Variants in CDK6 observed in about 807,000 individuals in gnomAD.
CDK6 encodes the protein cyclin-dependent kinase 6.
Under a neutral mutation model 37.1 loss-of-function variants are expected in CDK6, and 6 were observed. The ratio of observed to expected loss-of-function variants is 0.16; its 90% CI spans 0.09 to 0.32. The LOEUF is 0.32. Ranked by LOEUF, CDK6 falls within the 10% of genes least tolerant of loss-of-function variation. The pLI is 1.00. For synonymous variants in CDK6, 160 were observed against 161.3 expected (o/e 0.99, Z 0.06); for missense variants, 224 against 418.9 (o/e 0.53, Z 4.06).
intron 2 of CDK6, among the ~76,000 whole-genome samples, chr7:92,802,966 A>T (rs1450445016): frequency 1.3e-5 from 2 of 152,272 alleles, no homozygotes; most frequent in East Asian, 3.9e-4. Context: ...TTCAGTTGAG[A>T]ACTACTACTA....
rs1795609283 is a variant in CDK6 at position 92,613,643 on chromosome 7, T to A, written c.*1497A>T. On this transcript the variant is annotated 3_prime_UTR_variant, in exon 8 of 8. Transcript: ENST00000424848. ...CACAGCCTGGGGGATGGAGAAAAGA[T>A]CATTTGATAGAGTAAATGTATGGCC... 2 of 233,134 alleles carry A rather than the reference T, an allele frequency of 8.6e-6. No individual in the cohort carries two copies. The highest frequency in any genetic ancestry group is 1.7e-5 in the Non-Finnish European group (2 of 118,030). 14.4% of individuals were successfully genotyped at this position (233,134 alleles called of 1,614,324 possible).
At chr7:92,829,415 C>T (rs1801419538) in intron 2 of CDK6, among the ~76,000 whole-genome samples, 1 of 152,128 alleles carries the variant, frequency 6.6e-6, no homozygotes, top group Non-Finnish European at 1.5e-5. Flanking sequence ...AGAAACAATA[C>T]AGGTAAGCAC....
chr7:92,803,652 G>A (rs1190761645), intron 2 of CDK6, among the ~76,000 whole-genome samples: 3 of 152,184 alleles, frequency 2.0e-5, no homozygotes, highest in Non-Finnish European at 4.4e-5. Context: ...GGTTTGAGAT[G>A]GTAGACATTC....
chr7:92,755,739 G>A (rs934013978), intron 3 of CDK6, among the ~76,000 whole-genome samples: 1 of 152,140 alleles, frequency 6.6e-6, no homozygotes, highest in African/African-American at 2.4e-5. Flanking sequence ...GGTATAAGTT[G>A]GGGTGCGGAT....
At chr7:92,775,869 G>A (rs1799836923) in intron 2 of CDK6, among the ~76,000 whole-genome samples, 1 of 152,124 alleles carries the variant, frequency 6.6e-6, no homozygotes, top group South Asian at 2.1e-4. Context: ...AATAACTGAT[G>A]CACAGGGTTG....
At chr7:92,667,225 A>G (rs1308781045) in intron 5 of CDK6, among the ~76,000 whole-genome samples, 1 of 152,184 alleles carries the variant, frequency 6.6e-6, no homozygotes, top group Non-Finnish European at 1.5e-5. Flanking sequence ...TATTTTTTTT[A>G]GACACAAGGT....
chr7:92,742,074 T>TACA (rs1382851440), intron 3 of CDK6, among the ~76,000 whole-genome samples: 3 of 152,172 alleles, frequency 2.0e-5, no homozygotes, highest in Non-Finnish European at 2.9e-5. Context: ...CAAACAATGA[T>TACA]ACAAATAAGT....
In CDK6 at chr7:92,833,258, G is replaced by A. The variant is rs189208543; in HGVS notation, c.66C>T (p.Gly22=). 7.8e-5 allele frequency: 125 copies of A among 1,610,282 alleles called. No individual in the cohort carries two copies. The Middle Eastern group carries it at 1.5e-3, about 19-fold the overall frequency. ...QYECVAEIGE[G]AYGKVFKARD... is the part of the protein sequence containing the mutation. ...GGGCCTTGAACACCTTCCCATAGGCGCCCTCCCCGATCTCCGCCACGCATT... is the reference window on the plus strand; with the variant it reads ...GGGCCTTGAACACCTTCCCATAGGCACCCTCCCCGATCTCCGCCACGCATT... The change falls in exon 2 of 8, where the codon GGC becomes GGT. Residue 22 remains glycine, a synonymous_variant. Coordinates refer to ENST00000424848, the MANE Select transcript of CDK6 (RefSeq NM_001145306.2). This position sits in a 1 kb window ranked among gnomAD's most constrained non-coding sequence, Gnocchi z 6.1.
In CDK6 at chr7:92,835,112, C is replaced by T. The variant is rs1304384967; in HGVS notation, c.-368+1366G>A. 2.0e-5 allele frequency: 3 copies of T among 152,224 alleles called. No individual in the cohort carries two copies. The highest frequency in any genetic ancestry group is 2.1e-4 in the South Asian group (1 of 4,836). 9.4% of individuals were successfully genotyped at this position (152,224 alleles called of 1,614,324 possible). A position where few individuals can be genotyped will look rare whatever the true frequency, so the allele number is the denominator to read the frequency against. On this transcript the variant is annotated intron_variant, in intron 1 of 7. Transcript: ENST00000424848. The surrounding 1 kb of genome is among the most constrained non-coding windows in gnomAD (Gnocchi z 4.2). Reference sequence around the variant, plus strand: ...CCCACGATGAGCGGGTGGAGCGGACCGCGGCGAGAGCAGAGCTTCTGGCAC... The same window carrying T: ...CCCACGATGAGCGGGTGGAGCGGACTGCGGCGAGAGCAGAGCTTCTGGCAC...
chr7:92,609,556 G>T lies in CDK6; in HGVS notation c.*5584C>A. ...CAGCAATTTTTCAGACAAAAGTTTT[G>T]TCTACTGAATTACTGATGTGCTACT... On this transcript the variant is annotated 3_prime_UTR_variant, in exon 8 of 8. Coordinates refer to ENST00000424848, the MANE Select transcript of CDK6 (RefSeq NM_001145306.2). 4.4e-6 allele frequency: 1 copy of T among 228,802 alleles called. No homozygotes were observed. The highest frequency in any genetic ancestry group is 8.7e-6 in the Non-Finnish European group (1 of 115,516). 14.2% of individuals were successfully genotyped at this position (228,802 alleles called of 1,614,324 possible).
chr7:92,811,300 G>A (rs940848105), intron 2 of CDK6, among the ~76,000 whole-genome samples: 1 of 152,064 alleles, frequency 6.6e-6, no homozygotes, highest in Non-Finnish European at 1.5e-5. Context: ...AATCCTGAGT[G>A]CTCAAACCCC....
At chr7:92,748,098 A>C (rs1451761140) in intron 3 of CDK6, among the ~76,000 whole-genome samples, 1 of 152,228 alleles carries the variant, frequency 6.6e-6, no homozygotes, top group African/African-American at 2.4e-5. Flanking sequence ...TTAAATCTCT[A>C]AACTTATTGT....
In CDK6 at chr7:92,621,240, A is replaced by G. The variant is rs1021706199; in HGVS notation, c.698+1796T>C. ...AATGCATTCAGAGGAAACAGAACAT[A>G]ATTTTGATGACACAATGCCAGAAAC... On this transcript the variant is annotated intron_variant, in intron 6 of 7. Coordinates refer to ENST00000424848, the MANE Select transcript of CDK6 (RefSeq NM_001145306.2). Among the ~76,000 whole-genome samples, 8 of 152,378 alleles carry G rather than the reference A, an allele frequency of 5.3e-5. No individual in the cohort carries two copies. In the South Asian group the frequency reaches 1.4e-3, roughly 28 times the overall value.
intron 4 of CDK6, among the ~76,000 whole-genome samples, chr7:92,709,040 T>A (rs1375153190): frequency 1.3e-5 from 2 of 152,310 alleles, no homozygotes; most frequent in Admixed American, 6.5e-5. Flanking sequence ...TCATATCAGA[T>A]TTTGACATGA....
At chr7:92,644,827 C>T (rs1464134995) in intron 5 of CDK6, among the ~76,000 whole-genome samples, 1 of 152,224 alleles carries the variant, frequency 6.6e-6, no homozygotes, top group Non-Finnish European at 1.5e-5. Context: ...CAGTGGAACT[C>T]CACAACAACT....
intron 4 of CDK6, among the ~76,000 whole-genome samples, chr7:92,681,993 C>T (rs1019145529): frequency 1.3e-5 from 2 of 152,174 alleles, no homozygotes; most frequent in South Asian, 4.1e-4. Flanking sequence ...TATATTTCTT[C>T]TCTCTGTAAG....
chr7:92,823,097 A>G (rs1464257543), intron 2 of CDK6, among the ~76,000 whole-genome samples: 3 of 140,472 alleles, frequency 2.1e-5, no homozygotes, highest in Non-Finnish European at 4.7e-5. Flanking sequence ...AACTAAAGTG[A>G]AAAAAAAAAA....
intron 7 of CDK6, among the ~76,000 whole-genome samples, chr7:92,616,035 C>T (rs3731385): frequency 1.3e-5 from 2 of 152,170 alleles, no homozygotes; most frequent in Non-Finnish European, 2.9e-5. Flanking sequence ...ATCAACGCCT[C>T]CTGCTGGGTG....
intron 3 of CDK6, 42 bp from the exon 4 acceptor site, chr7:92,725,835 G>T: frequency 6.4e-7 from 1 of 1,571,178 alleles, no homozygotes; most frequent in Non-Finnish European, 8.7e-7. Context: ...CACTCAAAAC[G>T]GAAGTTGAGC....
Sources: allele counts gnomAD v4.1 joint callset (sites outside exome capture counted in the v4.1 genomes callset), GRCh38; gene constraint gnomAD v4.1.1; non-coding constraint Gnocchi (gnomAD v3.1); transcripts MANE v1.5; gene names NCBI Gene and HGNC (gene_info 2026-07-23, HGNC 2026-07-21).